The following ITK variants were observed in gnomAD, a reference collection of about 807,000 sequenced individuals.
ITK encodes the protein tyrosine-protein kinase ITK/TSK.
A neutral mutation model predicts 87.6 loss-of-function variants in ITK; 45 were observed. That is an observed-to-expected ratio of 0.51 (90% CI 0.40 to 0.66). The LOEUF is 0.66. Among genes scored for constraint, ITK ranks in the 30% least tolerant of loss-of-function variants. The pLI, the probability that ITK is intolerant of heterozygous loss-of-function variation, is 0.00. For synonymous variants in ITK, 303 were observed against 273.6 expected, an observed-to-expected ratio of 1.11 and a Z score of -1.06; for missense variants, 605 against 766.3, an observed-to-expected ratio of 0.79 and a Z score of 2.48.
chr5:157,244,908 G>A (rs25775), intron 13 of ITK: 178,168 of 246,744 alleles, frequency 0.72, 65,326 homozygotes, highest in East Asian at 0.98. Context: ...CACATTCCCC[G>A]TATGATTTGT....
chr5:157,240,235 G>A lies in ITK; in HGVS notation c.985+40G>A, dbSNP rs776620764. 3.1e-6 allele frequency: 5 copies of A among 1,596,444 alleles called. No homozygotes were observed. The South Asian group carries it at 4.4e-5, about 14-fold the overall frequency. ...AGGGGTGGACCCGGGCCGCCCAGCA[G>A]GAGGTGAGCAGCAGGTGAGCAAGCA... On this transcript the variant is annotated intron_variant, in intron 10 of 16. Transcript: ENST00000422843.
intron 12 of ITK, chr5:157,244,011 A>C: frequency 1.5e-6 from 1 of 668,692 alleles, no homozygotes; most frequent in South Asian, 1.7e-5. Context: ...GCTCCTACCC[A>C]TCTCTCCTCC....
At chr5:157,198,537 A>G (rs31222) in intron 1 of ITK, among the ~76,000 whole-genome samples, 77,497 of 151,974 alleles carry the variant, frequency 0.51, 20,572 homozygotes, top group African/African-American at 0.68. Context: ...AGAAACGAAG[A>G]CAGGTGTGGG....
In ITK at chr5:157,245,961, T is replaced by C. The variant is rs756835896; in HGVS notation, c.1595T>C (p.Phe532Ser). The change falls in exon 15 of 17, where the codon TTC (phenylalanine) becomes TCC (serine). Residue 532 changes from phenylalanine (F) to serine (S), a missense_variant. Phe to Ser is a radical substitution (Grantham distance 155, BLOSUM62 -2). Transcript: ENST00000422843. ...TGGGCATCCCCAGAGGTTTTCTCTT[T>C]CAGTCGCTATAGCAGCAAGTCCGAT... ...VKWASPEVFS[F>S]SRYSSKSDVW... is the part of the protein sequence containing the mutation. 6.2e-7 allele frequency: 1 copy of C among 1,614,078 alleles called. No homozygotes were observed.
In ITK at chr5:157,184,942, T is replaced by A. The variant is rs189599691; in HGVS notation, c.138+3827T>A. On this transcript the variant is annotated intron_variant, in intron 1 of 16. Coordinates refer to ENST00000422843, the MANE Select transcript of ITK (RefSeq NM_005546.4). ...CATTTACATGGAACAAGAGAAACAG[T>A]CAAGATCACCATTCCAGTAAGCATC... is the stretch of plus-strand genomic sequence containing the variant. Among the ~76,000 whole-genome samples, 7 of 152,248 alleles carry A rather than the reference T, an allele frequency of 4.6e-5. No homozygotes were observed. The East Asian group carries it at 1.4e-3, about 29-fold the overall frequency.
chr5:157,181,204 G>C, intron 1 of ITK, 89 bp downstream of exon 1: 1 of 1,328,458 alleles, frequency 7.5e-7, no homozygotes, highest in South Asian at 1.2e-5. Flanking sequence ...GCATAAAATA[G>C]AGCACAGGAA....
chr5:157,232,630 TGAAA>T (rs1319042385), intron 8 of ITK, among the ~76,000 whole-genome samples: 3 of 152,098 alleles, frequency 2.0e-5, no homozygotes, highest in Non-Finnish European at 2.9e-5. Flanking sequence ...AAGGTAAAAA[TGAAA>T]GAAAGAAAGA....
At chr5:157,210,020 G>T (rs1181077778) in intron 2 of ITK, among the ~76,000 whole-genome samples, 1 of 151,590 alleles carries the variant, frequency 6.6e-6, no homozygotes, top group East Asian at 1.9e-4. Flanking sequence ...CCACCTCCCT[G>T]GTTCAAGTGA....
rs756436987 is a variant in ITK at position 157,180,851 on chromosome 5, C to A, written c.-127C>A. The stretch of plus-strand genomic sequence containing the variant: ...GTTGATAGAAAGATAACGTTGAAGG[C>A]AAGTTGCCCTTGAGCAGCTCTCTGA... On this transcript the variant is annotated 5_prime_UTR_variant, in exon 1 of 17. Coordinates refer to ENST00000422843, the MANE Select transcript of ITK (RefSeq NM_005546.4). 2 of 844,210 alleles carry A rather than the reference C, an allele frequency of 2.4e-6. No homozygotes were observed. The highest frequency in any genetic ancestry group is 3.9e-6 in the Non-Finnish European group (2 of 510,916). 52.3% of individuals were successfully genotyped at this position (844,210 alleles called of 1,614,324 possible).
rs534229766 is a variant in ITK, at chr5:157,222,938, G to T, written c.571G>T (p.Ala191Ser). The T allele has an allele frequency of 1.1e-5, 17 of 1,613,942 alleles. No homozygotes were observed. Among genetic ancestry groups the T allele is most frequent in the Non-Finnish European group, 1.4e-5 (16 of 1,180,020 alleles). The part of the protein sequence containing the change: ...DYQTNDPQEL[A>S]LRRNEEYCLL... Reference sequence around the variant, plus strand: ...CCAAACCAATGATCCTCAGGAACTCGCACTGCGGCGCAACGAAGAGTACTG... The same window carrying T: ...CCAAACCAATGATCCTCAGGAACTCTCACTGCGGCGCAACGAAGAGTACTG... The change falls in exon 6 of 17, where the codon GCA becomes TCA. Residue 191 changes from alanine to serine, a missense_variant. Ala to Ser is a moderately conservative substitution (Grantham distance 99, BLOSUM62 1). This residue lies in a region of ITK where 464 missense variants were observed against 578.0 expected (regional missense o/e 0.80). Transcript: ENST00000422843.
At chr5:157,240,366 T>C (rs950157818) in intron 10 of ITK, 171 bp downstream of exon 10, 2 of 675,476 alleles carry the variant, frequency 3.0e-6, no homozygotes, top group Non-Finnish European at 5.3e-6. Flanking sequence ...GTGTGCTCCT[T>C]ATAAGAATCA....
At position 157,193,002 on chromosome 5, in the gene ITK, C is replaced by T. The variant is rs2436383; in HGVS notation, c.138+11887C>T. Reference sequence around the variant, plus strand: ...AGGTTGGCATTACAGGATCTCTTGACGGCACGAGTTTGAGACCAGCCTGGG... The same window carrying T: ...AGGTTGGCATTACAGGATCTCTTGATGGCACGAGTTTGAGACCAGCCTGGG... On this transcript the variant is annotated intron_variant, in intron 1 of 16. Coordinates refer to ENST00000422843, the MANE Select transcript of ITK (RefSeq NM_005546.4). 2.0e-5 allele frequency among the ~76,000 whole-genome samples: 3 copies of T among 151,916 alleles called. No homozygotes were observed. In the South Asian group the frequency reaches 6.2e-4, roughly 32 times the overall value.
At position 157,202,357 on chromosome 5, in the gene ITK, G is replaced by T. The variant is rs191258822; in HGVS notation, c.139-6532G>T. ...GCCACCCAAGTGCCTGAGATTACAG[G>T]TGTGCACCATCATGCCCAGCTAATT... On this transcript the variant is annotated intron_variant, in intron 1 of 16. Transcript: ENST00000422843. Among the ~76,000 whole-genome samples the T allele has an allele frequency of 1.2e-3, 179 of 152,226 alleles. 3 individuals carry two copies. The East Asian group carries it at 0.031, about 27-fold the overall frequency.
rs1434200502 is a variant in ITK, at chr5:157,242,630, A to G, written c.1060+910A>G. Among the ~76,000 whole-genome samples, 13 of 151,836 alleles carry G rather than the reference A, an allele frequency of 8.6e-5. No individual in the cohort carries two copies. In the East Asian group the frequency reaches 1.7e-3, roughly 20 times the overall value. ...AGCTACTATGCCTGGCTAATTTTTAAAAATTTTTTGTAGAGACAGGGTCTC... is the reference window on the plus strand; with the variant it reads ...AGCTACTATGCCTGGCTAATTTTTAGAAATTTTTTGTAGAGACAGGGTCTC... On this transcript the variant is annotated intron_variant, in intron 11 of 16. Transcript: ENST00000422843.
At chr5:157,236,851 C>G (rs1372347491) in intron 8 of ITK, among the ~76,000 whole-genome samples, 1 of 152,152 alleles carries the variant, frequency 6.6e-6, no homozygotes, top group Non-Finnish European at 1.5e-5. Flanking sequence ...CCACCTCTCT[C>G]ATGAAACCAG....
In ITK at chr5:157,191,855, G is replaced by A. The variant is rs996677734; in HGVS notation, c.138+10740G>A. On this transcript the variant is annotated intron_variant, in intron 1 of 16. Coordinates refer to ENST00000422843, the MANE Select transcript of ITK (RefSeq NM_005546.4). Reference sequence around the variant, plus strand: ...AAAGCAGTATACATAATATAGGGCTGTCTCATTTTTAAAATCAGCTTCTTA... The same window carrying A: ...AAAGCAGTATACATAATATAGGGCTATCTCATTTTTAAAATCAGCTTCTTA... Among the ~76,000 whole-genome samples the A allele has an allele frequency of 5.0e-4, 76 of 152,268 alleles. No homozygotes were observed. The Middle Eastern group carries it at 0.01, about 20-fold the overall frequency.
chr5:157,211,429 TC>T, intron 3 of ITK, 61 bp downstream of exon 3: 1 of 1,347,392 alleles, frequency 7.4e-7, no homozygotes, highest in Non-Finnish European at 1.1e-6. Context: ...AGGGTTGGGT[TC>T]CACAATAGAA....
At chr5:157,246,934 G>A (rs1001654619) in intron 15 of ITK, among the ~76,000 whole-genome samples, 1 of 152,224 alleles carries the variant, frequency 6.6e-6, no homozygotes, top group African/African-American at 2.4e-5. Flanking sequence ...ATTGCAGGAT[G>A]TGCCAAATGT....
At chr5:157,193,146 A>C (rs1753785419) in intron 1 of ITK, among the ~76,000 whole-genome samples, 1 of 152,208 alleles carries the variant, frequency 6.6e-6, no homozygotes, top group Non-Finnish European at 1.5e-5. Flanking sequence ...GCTTAAGCCC[A>C]GGAGTTTAAG....
Sources: gnomAD v4.1 joint callset for allele counts (sites outside exome capture counted in the v4.1 genomes callset) on GRCh38, gnomAD v4.1.1 for gene constraint, gnomAD v4.1.1 regional missense constraint, MANE v1.5 for transcripts, NCBI Gene and HGNC (gene_info 2026-07-23, HGNC 2026-07-21) for gene names.